Variants in TMEM132D observed in about 807,000 individuals in gnomAD.
TMEM132D encodes the protein transmembrane protein 132D.
A neutral mutation model predicts 62.3 loss-of-function variants in TMEM132D; 21 were observed. That is an observed-to-expected ratio of 0.34 (90% CI 0.24 to 0.49). The LOEUF is 0.49. Among genes scored for constraint, TMEM132D ranks in the 20% least tolerant of loss-of-function variants. TMEM132D has a pLI of 0.99. For missense variants in TMEM132D, 1,346 were observed against 1,402.8 expected, an observed-to-expected ratio of 0.96 and a Z score of 0.65; for synonymous variants, 621 against 575.6, an observed-to-expected ratio of 1.08 and a Z score of -1.13.
chr12:129,440,832 C>T (rs1411776061), intron 3 of TMEM132D, among the ~76,000 whole-genome samples: 3 of 152,148 alleles, frequency 2.0e-5, no homozygotes, highest in Non-Finnish European at 4.4e-5. Flanking sequence ...GTGGAAGAAC[C>T]TGAGAGAATG....
chr12:129,664,421 A>ATTTTTTTTTTT (rs34308998), intron 2 of TMEM132D, among the ~76,000 whole-genome samples: 2 of 114,224 alleles, frequency 1.8e-5, no homozygotes, highest in African/African-American at 3.3e-5. Context: ...AATTACAAGA[A>ATTTTTTTTTTT]TTTTTTTTTT....
chr12:129,517,178 T>G (rs145213610), intron 3 of TMEM132D, among the ~76,000 whole-genome samples: 1 of 152,266 alleles, frequency 6.6e-6, no homozygotes, highest in East Asian at 1.9e-4. Flanking sequence ...GGAGGTATTA[T>G]TCAGCCCACC....
intron 3 of TMEM132D, among the ~76,000 whole-genome samples, chr12:129,397,447 C>G (rs1268531081): frequency 6.6e-6 from 1 of 152,082 alleles, no homozygotes. Flanking sequence ...TGACGAACAC[C>G]GTAAAACTAC....
intron 1 of TMEM132D, among the ~76,000 whole-genome samples, chr12:129,747,652 GAC>G (rs924137413): frequency 8.4e-5 from 12 of 142,464 alleles, no homozygotes; most frequent in East Asian, 4.2e-4. Flanking sequence ...ACATACACCA[GAC>G]ACAGACACAC....
intron 3 of TMEM132D, among the ~76,000 whole-genome samples, chr12:129,437,077 C>T (rs1872806338): frequency 6.6e-6 from 1 of 152,064 alleles, no homozygotes. Flanking sequence ...TGTCTTCTAG[C>T]CAGAGTCCAC....
At chr12:129,192,419 C>T (rs1878429897) in intron 5 of TMEM132D, among the ~76,000 whole-genome samples, 1 of 152,158 alleles carries the variant, frequency 6.6e-6, no homozygotes, top group African/African-American at 2.4e-5. Flanking sequence ...CTTGTTTTTC[C>T]TCTCTTCTTG....
intron 4 of TMEM132D, among the ~76,000 whole-genome samples, chr12:129,250,784 C>A (rs1403667688): frequency 6.6e-6 from 1 of 152,188 alleles, no homozygotes; most frequent in Non-Finnish European, 1.5e-5. Context: ...TGGCTCTGGT[C>A]TTTTGGGGCA....
intron 5 of TMEM132D, chr12:129,109,983 G>A (rs1875634573): frequency 6.6e-6 from 1 of 152,402 alleles, no homozygotes; most frequent in South Asian, 2.1e-4. Context: ...AAGGTGCAGG[G>A]TGGCTGCTGG....
chr12:129,079,911 T>C (rs566208312), intron 7 of TMEM132D, among the ~76,000 whole-genome samples: 1 of 152,356 alleles, frequency 6.6e-6, no homozygotes, highest in East Asian at 1.9e-4. Flanking sequence ...TGTGGGAAGC[T>C]GGCCCACTTC....
In TMEM132D at chr12:129,166,410, G is replaced by T. The variant is rs112582097; in HGVS notation, c.1443+43110C>A. On this transcript the variant is annotated intron_variant, in intron 5 of 8. Coordinates refer to ENST00000422113, the MANE Select transcript of TMEM132D (RefSeq NM_133448.3). ...CACGTATGTTTCATCTCCGGCTACT[G>T]TTTGACATGCATGAATGTGGGCGGA... Among the ~76,000 whole-genome samples, 1,241 of 150,954 alleles carry T rather than the reference G, an allele frequency of 8.2e-3. 7 individuals carry two copies. Among genetic ancestry groups the T allele is most frequent in the African/African-American group, 0.028 (1,145 of 40,270 alleles).
chr12:129,660,495 C>T (rs1880208437), intron 2 of TMEM132D, among the ~76,000 whole-genome samples: 1 of 152,108 alleles, frequency 6.6e-6, no homozygotes. Context: ...ACTGTCACGT[C>T]CAATGTTGTC....
chr12:129,394,037 A>G (rs1232023721), intron 3 of TMEM132D, among the ~76,000 whole-genome samples: 1 of 152,148 alleles, frequency 6.6e-6, no homozygotes. Flanking sequence ...CATTGTCACC[A>G]TTTCCCCCTT....
At chr12:129,179,839 C>T (rs1256824219) in intron 5 of TMEM132D, among the ~76,000 whole-genome samples, 2 of 151,952 alleles carry the variant, frequency 1.3e-5, no homozygotes, top group African/African-American at 2.4e-5. Context: ...ATCAGCCTGG[C>T]CAACATGGCG....
intron 4 of TMEM132D, among the ~76,000 whole-genome samples, chr12:129,312,554 T>C (rs1242201762): frequency 6.6e-6 from 1 of 152,184 alleles, no homozygotes; most frequent in East Asian, 1.9e-4. Context: ...TTAGAATAGT[T>C]TTTTTTGTTT....
At position 129,091,427 on chromosome 12, in the gene TMEM132D, C is replaced by T. The variant is rs539981991; in HGVS notation, c.1444-6725G>A. 2.1e-4 allele frequency among the ~76,000 whole-genome samples: 32 copies of T among 151,458 alleles called. 1 individual carries two copies. The South Asian group carries it at 6.1e-3, about 29-fold the overall frequency. On this transcript the variant is annotated intron_variant, in intron 5 of 8. Coordinates refer to ENST00000422113, the MANE Select transcript of TMEM132D (RefSeq NM_133448.3). ...GCTCACATGGGCTCTGAGGACCTTACCTATCCTCTCCTGGGCTCTGGGGAC... is the reference window on the plus strand; with the variant it reads ...GCTCACATGGGCTCTGAGGACCTTATCTATCCTCTCCTGGGCTCTGGGGAC...
At chr12:129,515,238 C>T (rs1875636845) in intron 3 of TMEM132D, among the ~76,000 whole-genome samples, 1 of 152,182 alleles carries the variant, frequency 6.6e-6, no homozygotes, top group Non-Finnish European at 1.5e-5. Context: ...AACGCTGTGT[C>T]TTGTTGCTGT....
At chr12:129,134,209 T>TGC (rs1443148540) in intron 5 of TMEM132D, among the ~76,000 whole-genome samples, 1 of 152,020 alleles carries the variant, frequency 6.6e-6, no homozygotes, top group African/African-American at 2.4e-5. Flanking sequence ...TCTGTGTGTG[T>TGC]GCGTGTAAAC....
At chr12:129,142,690 C>A (rs1005725602) in intron 5 of TMEM132D, among the ~76,000 whole-genome samples, 10 of 152,132 alleles carry the variant, frequency 6.6e-5, no homozygotes, top group African/African-American at 2.4e-4. Context: ...GTAAGTTGGA[C>A]AAGAGACAAA....
At chr12:129,714,761 T>C (rs1334059185) in intron 1 of TMEM132D, among the ~76,000 whole-genome samples, 1 of 152,094 alleles carries the variant, frequency 6.6e-6, no homozygotes, top group Non-Finnish European at 1.5e-5. Flanking sequence ...TAGAAATGAA[T>C]GGATAAAGGA....
Sources: gnomAD v4.1 joint callset for allele counts (sites outside exome capture counted in the v4.1 genomes callset) on GRCh38, gnomAD v4.1.1 for gene constraint, MANE v1.5 for transcripts, NCBI Gene and HGNC (gene_info 2026-07-23, HGNC 2026-07-21) for gene names.